KRT32: variants seen among roughly 807,000 people sequenced by gnomAD.
KRT32 encodes the protein keratin, type I cuticular Ha2.
KRT32 carries 44 observed loss-of-function variants against 41.8 expected under a neutral mutation model. The ratio of observed to expected loss-of-function variants is 1.05; its 90% CI spans 0.83 to 1.35. The LOEUF is 1.35. KRT32 is among the 40% of genes most tolerant of loss of function. KRT32 has a pLI of 0.00. For missense variants in KRT32, 576 were observed against 584.6 expected, an observed-to-expected ratio of 0.99 and a Z score of 0.15; for synonymous variants, 238 against 242.5, an observed-to-expected ratio of 0.98 and a Z score of 0.17.
intron 6 of KRT32, among the ~76,000 whole-genome samples, chr17:41,462,420 C>T (rs1358996177): frequency 6.6e-6 from 1 of 152,150 alleles, no homozygotes; most frequent in East Asian, 1.9e-4. Context: ...GAGGTGGGAG[C>T]AGGATTGTGT....
At chr17:41,464,978 G>T (rs573781994) in intron 3 of KRT32, among the ~76,000 whole-genome samples, 1 of 152,180 alleles carries the variant, frequency 6.6e-6, no homozygotes, top group Non-Finnish European at 1.5e-5. Flanking sequence ...CGGTGAGTAC[G>T]TGGTGACTGA....
At chr17:41,466,061 C>T (rs772199287) in intron 2 of KRT32, 33 bp downstream of exon 2, 2 of 1,612,088 alleles carry the variant, frequency 1.2e-6, no homozygotes, top group African/African-American at 1.3e-5. Flanking sequence ...GAGGACAGGT[C>T]CTCCCCAGCT....
At chr17:41,461,933 C>T (rs2019004663) in intron 6 of KRT32, among the ~76,000 whole-genome samples, 1 of 152,212 alleles carries the variant, frequency 6.6e-6, no homozygotes, top group African/African-American at 2.4e-5. Flanking sequence ...GAGCTGATGC[C>T]TCTGCTGCCC....
At chr17:41,462,642 G>A (rs1052147907) in intron 6 of KRT32, among the ~76,000 whole-genome samples, 188 bp downstream of exon 6, 1 of 152,130 alleles carries the variant, frequency 6.6e-6, no homozygotes, top group Non-Finnish European at 1.5e-5. Context: ...GTCTCCGAGG[G>A]GCTTGGTTCA....
chr17:41,464,306 G>A lies in KRT32; in HGVS notation c.846C>T (p.Asp282=), dbSNP rs149150620. The A allele has an allele frequency of 3.8e-5, 61 of 1,606,962 alleles. No individual in the cohort carries two copies. The highest frequency in any genetic ancestry group is 2.9e-4 in the African/African-American group (22 of 74,794). Residue 282 remains aspartate (D), a synonymous_variant, in exon 4 of 7, where the codon GAC becomes GAT. Transcript: ENST00000225899. ...CCTGCATATTGAACCATTCCTCCAC[G>A]TCCCTGCGGTTGGCCTCCACCATGG... The part of the protein sequence containing the change: ...YEAMVEANRR[D]VEEWFNMQME...
At chr17:41,466,007 T>C (rs1165762635) in intron 2 of KRT32, 78 bp from the exon 3 acceptor site, 36 of 1,603,500 alleles carry the variant, frequency 2.2e-5, no homozygotes, top group Non-Finnish European at 3.1e-5. Context: ...GCCGGCACTT[T>C]CCAACCCTCC....
intron 3 of KRT32, 98 bp from the exon 4 acceptor site, chr17:41,464,541 G>T (rs1011169657): frequency 1.7e-6 from 2 of 1,209,614 alleles, no homozygotes; most frequent in Non-Finnish European, 2.2e-6. Flanking sequence ...AGTTGCTAAA[G>T]ATTGAAACAT....
Position 41,460,227 on chromosome 17 carries a change from G to T in KRT32, c.1230C>A (p.Asn410Lys), listed in dbSNP as rs1260509667. The change falls in exon 7 of 7, where the codon AAC becomes AAA. Residue 410 changes from asparagine (N) to lysine (K), a missense_variant. By Grantham distance (94) the Asn-to-Lys change is moderately conservative. Coordinates refer to ENST00000225899, the MANE Select transcript of KRT32 (RefSeq NM_002278.3). ...LENEDCKLPCNPCSTPSCTTC... is the reference protein window; with the variant it reads ...LENEDCKLPCKPCSTPSCTTC... ...TGGTGCAGGAAGGAGTGGAGCATGG[G>T]TTACAGGGCAGCCTGCAGGAGAAAG... 1.2e-6 allele frequency: 2 copies of T among 1,602,156 alleles called. No individual in the cohort carries two copies. Among genetic ancestry groups the T allele is most frequent in the East Asian group, 2.3e-5 (1 of 44,314 alleles).
rs371994109 is a variant in KRT32, at chr17:41,467,065, G to C, written c.261C>G (p.Tyr87Ter). The C allele has an allele frequency of 9.3e-6, 15 of 1,614,124 alleles. No individual in the cohort carries two copies. The highest frequency in any genetic ancestry group is 2.7e-5 in the African/African-American group (2 of 74,950). Reference sequence around the variant, plus strand: ...CATTGCCATTGAAGGCCCCTTCGCTGTACCAGCTGCCGGGGCCCATGGAGC... The same window carrying C: ...CATTGCCATTGAAGGCCCCTTCGCTCTACCAGCTGCCGGGGCCCATGGAGC... ...ISGSMGPGSW[Y>*]SEGAFNGNEK... The change falls in exon 1 of 7, where the codon TAC (tyrosine) becomes TAG (stop). Residue 87 changes from tyrosine (Y) to a stop codon, truncating the protein, a stop_gained. Transcript: ENST00000225899. LOFTEE classifies it high-confidence loss of function.
rs1044828555 is a variant in KRT32 at position 41,466,194 on chromosome 17, T to A, written c.469-18A>T. ...CACAGAATCTGTAGGCCAAGGCACATGGAGAGGGTTAGTTCAGGATGAGAC... is the reference window on the plus strand; with the variant it reads ...CACAGAATCTGTAGGCCAAGGCACAAGGAGAGGGTTAGTTCAGGATGAGAC... On this transcript the variant is annotated intron_variant, in intron 1 of 6. Transcript: ENST00000225899. 1 of 1,606,806 alleles carries A rather than the reference T, an allele frequency of 6.2e-7. No individual in the cohort carries two copies. The highest frequency in any genetic ancestry group is 8.5e-7 in the Non-Finnish European group (1 of 1,174,624).
chr17:41,464,368 T>C lies in KRT32; in HGVS notation c.784A>G (p.Thr262Ala). 2 of 1,612,370 alleles carry C rather than the reference T, an allele frequency of 1.2e-6. No individual in the cohort carries two copies. Among genetic ancestry groups the C allele is most frequent in the Non-Finnish European group, 8.5e-7 (1 of 1,179,078 alleles). ...CACCGCATCTCCTCCAGCACCCTGG[T>C]CAGGTCCACCGGGGGTGCAGCGTCC... ...EVDAAPPVDL[T>A]RVLEEMRCQY... The change falls in exon 4 of 7, where the codon ACC becomes GCC. Residue 262 changes from threonine to alanine, a missense_variant. Thr to Ala is a moderately conservative substitution (Grantham distance 58, BLOSUM62 0). Coordinates refer to ENST00000225899, the MANE Select transcript of KRT32 (RefSeq NM_002278.3).
intron 3 of KRT32, among the ~76,000 whole-genome samples, chr17:41,465,101 A>G (rs1326541610): frequency 2.0e-5 from 3 of 152,182 alleles, no homozygotes; most frequent in Non-Finnish European, 4.4e-5. Flanking sequence ...GAAAAACACC[A>G]TGGCTCAGGT....
chr17:41,464,572 CAG>C, intron 3 of KRT32, 129 bp from the exon 4 acceptor site: 1 of 799,754 alleles, frequency 1.3e-6, no homozygotes, highest in South Asian at 2.3e-5. Flanking sequence ...CTAAGGACTG[CAG>C]TCCACTCAGC....
At chr17:41,460,375 T>G in intron 6 of KRT32, 136 bp from the exon 7 acceptor site, 2 of 1,133,398 alleles carry the variant, frequency 1.8e-6, no homozygotes, top group South Asian at 1.5e-5. Flanking sequence ...GGTCCCAACC[T>G]CCGCCATCTT....
intron 5 of KRT32, 32 bp downstream of exon 5, chr17:41,464,046 G>T: frequency 6.5e-7 from 1 of 1,538,538 alleles, no homozygotes. Context: ...CCTAGGATCC[G>T]GAGGGATGGG....
intron 6 of KRT32, 41 bp downstream of exon 6, chr17:41,462,789 C>A: frequency 6.2e-7 from 1 of 1,605,328 alleles, no homozygotes; most frequent in African/African-American, 1.3e-5. Flanking sequence ...CTCCCAGAAT[C>A]CCTGCCCACG....
rs752490341 is a variant in KRT32 at position 41,464,214 on chromosome 17, G to A, written c.871-11C>T. 3.1e-6 allele frequency: 5 copies of A among 1,597,780 alleles called. No homozygotes were observed. The South Asian group carries it at 4.5e-5, about 14-fold the overall frequency. ...GTTAAGCTCCTCCATCTGCAGTTGG[G>A]GGAAGGAGAAGGCTAGAGTCCCTTC... On this transcript the variant is annotated splice_polypyrimidine_tract_variant and intron_variant, in intron 4 of 6. Coordinates refer to ENST00000225899, the MANE Select transcript of KRT32 (RefSeq NM_002278.3).
chr17:41,464,037 C>A (rs2019036680), intron 5 of KRT32, 41 bp downstream of exon 5: 1 of 1,521,074 alleles, frequency 6.6e-7, no homozygotes, highest in Admixed American at 2.1e-5. Context: ...TCAGTACCGC[C>A]TAGGATCCGG....
intron 5 of KRT32, 24 bp from the exon 6 acceptor site, chr17:41,463,074 A>G (rs1047233589): frequency 6.3e-7 from 1 of 1,594,002 alleles, no homozygotes. Flanking sequence ...AGACATAACC[A>G]TGAGGAAGGG....
Sources: allele counts gnomAD v4.1 joint callset (sites outside exome capture counted in the v4.1 genomes callset), GRCh38; gene constraint gnomAD v4.1.1; transcripts MANE v1.5; gene names NCBI Gene and HGNC (gene_info 2026-07-23, HGNC 2026-07-21).